RIT2: variants seen among roughly 807,000 people sequenced by gnomAD.
RIT2 encodes the protein Ras like without CAAX 2, also known as GTP-binding protein Rit2.
A neutral mutation model predicts 23.7 loss-of-function variants in RIT2; 24 were observed. That is an observed-to-expected ratio of 1.01 (90% confidence interval 0.73 to 1.43). The LOEUF (loss-of-function observed/expected upper bound fraction) is 1.43, where lower values mean the gene tolerates loss of function less well. RIT2 is among the 40% of genes most tolerant of loss of function. The pLI, the probability that RIT2 is intolerant of heterozygous loss-of-function variation, is 0.00. For synonymous variants in RIT2, 107 were observed against 91.1 expected (o/e 1.17, Z -0.99); for missense variants, 236 against 266.9 (o/e 0.88, Z 0.81).
intron 1 of RIT2, among the ~76,000 whole-genome samples, chr18:43,078,581 C>T (rs1034394700): frequency 5.3e-5 from 8 of 152,196 alleles, no homozygotes; most frequent in Non-Finnish European, 7.3e-5. Context: ...ACATGCTAAA[C>T]ATCACTGGCT....
chr18:42,804,561 T>TAAAAAAAAAAA (rs564202513), intron 4 of RIT2, among the ~76,000 whole-genome samples: 2 of 52,848 alleles, frequency 3.8e-5, no homozygotes, highest in African/African-American at 6.8e-5. Context: ...GCCTCAAAAC[T>TAAAAAAAAAAA]AAAAAAAAAA....
chr18:42,747,821 A>G (rs1912953709), intron 4 of RIT2, among the ~76,000 whole-genome samples: 1 of 152,120 alleles, frequency 6.6e-6, no homozygotes, highest in Non-Finnish European at 1.5e-5. Context: ...GTGTTAGGAT[A>G]ATTGGCAAGC....
intron 4 of RIT2, among the ~76,000 whole-genome samples, chr18:42,776,130 G>A (rs1913666822): frequency 6.6e-6 from 1 of 152,172 alleles, no homozygotes; most frequent in African/African-American, 2.4e-5. Context: ...GGAAGATACA[G>A]TGATAGGAAG....
chr18:42,891,589 G>A (rs1908176633), intron 4 of RIT2, among the ~76,000 whole-genome samples: 1 of 152,048 alleles, frequency 6.6e-6, no homozygotes, highest in Non-Finnish European at 1.5e-5. Flanking sequence ...ATCAAGCCAG[G>A]GTAAGACATG....
chr18:42,949,569 G>A (rs1422238214), intron 3 of RIT2, among the ~76,000 whole-genome samples: 1 of 152,082 alleles, frequency 6.6e-6, no homozygotes, highest in East Asian at 1.9e-4. Flanking sequence ...CTTTGTGCAA[G>A]GTTGTAGTTT....
chr18:42,995,853 T>C (rs1284403945), intron 2 of RIT2, among the ~76,000 whole-genome samples: 3 of 152,198 alleles, frequency 2.0e-5, no homozygotes, highest in African/African-American at 7.2e-5. Context: ...ATCTTCTGTC[T>C]AGTCATACTC....
At chr18:42,768,648 G>T (rs904546282) in intron 4 of RIT2, among the ~76,000 whole-genome samples, 1 of 152,024 alleles carries the variant, frequency 6.6e-6, no homozygotes, top group African/African-American at 2.4e-5. Flanking sequence ...GCTTAAAACA[G>T]AAATTCACAA....
At chr18:42,789,737 G>A (rs1367943645) in intron 4 of RIT2, among the ~76,000 whole-genome samples, 1 of 152,064 alleles carries the variant, frequency 6.6e-6, no homozygotes, top group Non-Finnish European at 1.5e-5. Flanking sequence ...GGAATCTTTA[G>A]GGTTTCCTAG....
At chr18:42,968,192 T>C (rs947985605) in intron 3 of RIT2, among the ~76,000 whole-genome samples, 20 of 152,184 alleles carry the variant, frequency 1.3e-4, no homozygotes, top group African/African-American at 4.6e-4. Flanking sequence ...TGTTTAACCA[T>C]AGTTGGTTTT....
At chr18:43,032,020 T>C (rs1307780260) in intron 2 of RIT2, among the ~76,000 whole-genome samples, 2 of 152,114 alleles carry the variant, frequency 1.3e-5, no homozygotes, top group Non-Finnish European at 2.9e-5. Flanking sequence ...GGAAAATTGC[T>C]AACCAATATT....
At chr18:42,817,005 T>C (rs1278552310) in intron 4 of RIT2, among the ~76,000 whole-genome samples, 1 of 152,176 alleles carries the variant, frequency 6.6e-6, no homozygotes, top group Non-Finnish European at 1.5e-5. Context: ...CAACAAGCTT[T>C]CAGGGGGAAG....
At chr18:43,044,669 G>T (rs560271482) in intron 1 of RIT2, among the ~76,000 whole-genome samples, 135 of 152,248 alleles carry the variant, frequency 8.9e-4, no homozygotes, top group African/African-American at 3.2e-3. Context: ...TATAGGATAT[G>T]GATGGTTGAG....
chr18:43,028,728 G>A (rs542511051), intron 2 of RIT2, among the ~76,000 whole-genome samples: 6 of 151,802 alleles, frequency 4.0e-5, no homozygotes, highest in Non-Finnish European at 8.8e-5. Flanking sequence ...TCTGTGGTTT[G>A]CTCTCTAGAA....
At chr18:43,044,460 T>C (rs1406914976) in intron 1 of RIT2, among the ~76,000 whole-genome samples, 1 of 152,204 alleles carries the variant, frequency 6.6e-6, no homozygotes, top group Non-Finnish European at 1.5e-5. Flanking sequence ...TATATTAAAG[T>C]AATGAAGCTC....
chr18:42,775,531 C>T (rs1163495785), intron 4 of RIT2, among the ~76,000 whole-genome samples: 6 of 151,900 alleles, frequency 3.9e-5, no homozygotes, highest in Non-Finnish European at 1.5e-5. Context: ...CCCGTCTCTA[C>T]TAAAAATACA....
At chr18:43,008,760 A>G (rs1911282240) in intron 2 of RIT2, among the ~76,000 whole-genome samples, 1 of 151,038 alleles carries the variant, frequency 6.6e-6, no homozygotes, top group African/African-American at 2.4e-5. Context: ...TCTATCTTGG[A>G]AAAAAAATGT....
At chr18:42,748,620 C>T (rs1217713335) in intron 4 of RIT2, among the ~76,000 whole-genome samples, 2 of 151,824 alleles carry the variant, frequency 1.3e-5, no homozygotes, top group South Asian at 2.1e-4. Flanking sequence ...AGTCATTATA[C>T]GAAAAAGATA....
chr18:43,087,837 G>A (rs1323703306), intron 1 of RIT2, among the ~76,000 whole-genome samples: 1 of 152,186 alleles, frequency 6.6e-6, no homozygotes, highest in Non-Finnish European at 1.5e-5. Context: ...CAACTCACCA[G>A]CACAAACAGC....
At chr18:42,852,641 T>G (rs1323717931) in intron 4 of RIT2, among the ~76,000 whole-genome samples, 2 of 152,202 alleles carry the variant, frequency 1.3e-5, no homozygotes, top group Non-Finnish European at 2.9e-5. Context: ...TCCTCTTCTA[T>G]GATCACATGC....
Sources: allele counts gnomAD v4.1 joint callset (sites outside exome capture counted in the v4.1 genomes callset), GRCh38; gene constraint gnomAD v4.1.1; transcripts MANE v1.5; gene names NCBI Gene and HGNC (gene_info 2026-07-23, HGNC 2026-07-21).